The following PHF14 variants were observed in gnomAD, a reference collection of about 807,000 sequenced individuals.
PHF14 encodes PHD finger protein 14.
In PHF14, 55 loss-of-function variants were observed where a neutral mutation model predicts 117.9. The observed-to-expected ratio is 0.47, with a 90% CI of 0.38 to 0.58. PHF14 has a LOEUF of 0.58. PHF14 is among the 20% of genes least tolerant of loss of function. The pLI is 0.00. For synonymous variants in PHF14, 409 were observed against 368.6 expected (o/e 1.11, Z -1.26); for missense variants, 978 against 1,122.2 (o/e 0.87, Z 1.84).
chr7:11,075,582 TTTTTTTTTA>T (rs1785812530), intron 16 of PHF14, among the ~76,000 whole-genome samples: 4 of 132,672 alleles, frequency 3.0e-5, no homozygotes, highest in African/African-American at 1.2e-4. Context: ...TTTTTTTTTT[TTTTTTTTTA>T]TTATTATGCC....
At chr7:11,003,538 G>T (rs538278854) in intron 4 of PHF14, among the ~76,000 whole-genome samples, 1 of 152,254 alleles carries the variant, frequency 6.6e-6, no homozygotes, top group South Asian at 2.1e-4. Flanking sequence ...GATACATATA[G>T]ATAGTAAAAA....
At chr7:11,070,332 C>T (rs113232668) in intron 16 of PHF14, among the ~76,000 whole-genome samples, 16 of 152,346 alleles carry the variant, frequency 1.1e-4, no homozygotes, top group African/African-American at 3.1e-4. Context: ...CTATCCTCAG[C>T]CTCCCAAAGT....
intron 17 of PHF14, among the ~76,000 whole-genome samples, chr7:11,119,349 A>G (rs1787686079): frequency 6.6e-6 from 1 of 151,902 alleles, no homozygotes; most frequent in Non-Finnish European, 1.5e-5. Flanking sequence ...TTACCTTATT[A>G]ACCCAGCATT....
intron 17 of PHF14, among the ~76,000 whole-genome samples, chr7:11,115,165 G>A (rs1002555598): frequency 6.6e-6 from 1 of 151,750 alleles, no homozygotes; most frequent in Non-Finnish European, 1.5e-5. Flanking sequence ...TATTTCTCCA[G>A]TCTGCTCTTT....
intron 17 of PHF14, among the ~76,000 whole-genome samples, chr7:11,148,949 A>G (rs1376825760): frequency 6.6e-6 from 1 of 152,234 alleles, no homozygotes; most frequent in Non-Finnish European, 1.5e-5. Context: ...TTTTACTAGC[A>G]TAATTTGCAT....
At chr7:11,094,550 C>T (rs1220172220) in intron 16 of PHF14, among the ~76,000 whole-genome samples, 1 of 152,078 alleles carries the variant, frequency 6.6e-6, no homozygotes, top group African/African-American at 2.4e-5. Flanking sequence ...TCCCTTTTAC[C>T]ATACAAGATA....
At chr7:11,117,512 T>A (rs1206557514) in intron 17 of PHF14, among the ~76,000 whole-genome samples, 1 of 149,966 alleles carries the variant, frequency 6.7e-6, no homozygotes, top group Non-Finnish European at 1.5e-5. Flanking sequence ...ACGATATTTT[T>A]AATTTTGGTT....
At chr7:11,113,065 G>A (rs1006611786) in intron 17 of PHF14, among the ~76,000 whole-genome samples, 7 of 151,870 alleles carry the variant, frequency 4.6e-5, no homozygotes, top group Admixed American at 4.6e-4. Flanking sequence ...TTTTTTAAGT[G>A]CATTTTTTGT....
intron 17 of PHF14, among the ~76,000 whole-genome samples, chr7:11,136,482 T>A (rs1427218678): frequency 6.6e-6 from 1 of 152,186 alleles, no homozygotes; most frequent in Non-Finnish European, 1.5e-5. Context: ...AAATTTCATT[T>A]CACCATTCAC....
rs548238730 is a variant in PHF14, at chr7:11,043,220, A to G, written c.2312+406A>G. ...AAAGGCTTTACTTCTGGTATTTGGT[A>G]TTTGTGCTAGTCATTTAAATTCAAC... On this transcript the variant is annotated intron_variant, in intron 13 of 17. Coordinates refer to ENST00000634607, the MANE Select transcript of PHF14 (RefSeq NM_001007157.2). Among the ~76,000 whole-genome samples the G allele has an allele frequency of 1.8e-4, 27 of 151,838 alleles. No individual in the cohort carries two copies. The South Asian group carries it at 5.0e-3, about 28-fold the overall frequency.
chr7:11,114,353 A>G (rs897580383), intron 17 of PHF14, among the ~76,000 whole-genome samples: 3 of 152,236 alleles, frequency 2.0e-5, no homozygotes, highest in Admixed American at 6.6e-5. Flanking sequence ...GTCAGCAGCT[A>G]TTTATATATT....
chr7:11,111,288 A>G (rs1056529932), intron 16 of PHF14, 62 bp from the exon 17 acceptor site: 1 of 753,284 alleles, frequency 1.3e-6, no homozygotes, highest in Middle Eastern at 2.4e-4. Context: ...TTGTCTTTTC[A>G]TGAAGTAGAT....
chr7:11,092,795 G>C (rs530647754), intron 16 of PHF14, among the ~76,000 whole-genome samples: 13 of 152,228 alleles, frequency 8.5e-5, no homozygotes, highest in African/African-American at 2.9e-4. Flanking sequence ...TTAGGGAGGA[G>C]ATACAGTTGT....
At chr7:11,064,991 A>G (rs1048147913) in intron 16 of PHF14, among the ~76,000 whole-genome samples, 2 of 152,096 alleles carry the variant, frequency 1.3e-5, no homozygotes, top group African/African-American at 4.8e-5. Context: ...AAAGGTCACA[A>G]TTGGTAAATA....
Position 10,974,867 on chromosome 7 carries a change from C to A in PHF14, c.34C>A (p.Pro12Thr), listed in dbSNP as rs1216057216. The A allele has an allele frequency of 1.9e-6, 3 of 1,592,850 alleles. No individual in the cohort carries two copies. In the South Asian group the frequency reaches 3.4e-5, roughly 18 times the overall value. Residue 12 changes from proline to threonine, a missense_variant, in exon 2 of 18, where the codon CCT becomes ACT. Pro to Thr is a conservative substitution (Grantham distance 38). This residue lies in a region of PHF14 where 414 missense variants were observed against 376.4 expected (regional missense o/e 1.10). Transcript: ENST00000634607. ...CAGCTCCAAGAGGAGGCAGGTGAAG[C>A]CTTTGGCAGCTTCTCTGCTGGAAGC... ...DRSSKRRQVK[P>T]LAASLLEALD...
intron 16 of PHF14, among the ~76,000 whole-genome samples, chr7:11,073,411 A>G (rs1238346657): frequency 6.6e-6 from 1 of 152,244 alleles, no homozygotes; most frequent in Non-Finnish European, 1.5e-5. Flanking sequence ...TAAAAGCTTC[A>G]AAACAATGTC....
intron 16 of PHF14, among the ~76,000 whole-genome samples, chr7:11,068,518 G>A (rs1419755309): frequency 1.3e-5 from 2 of 152,100 alleles, no homozygotes; most frequent in East Asian, 1.9e-4. Context: ...AAAAATGGTG[G>A]TTTCCAGGGG....
At chr7:11,122,350 T>TACACACACACACACACAC (rs1179471501) in intron 17 of PHF14, among the ~76,000 whole-genome samples, 15 of 63,092 alleles carry the variant, frequency 2.4e-4, no homozygotes, top group East Asian at 6.9e-4. Context: ...TATATATATA[T>TACACACACACACACACAC]ATACACACAC....
intron 14 of PHF14, among the ~76,000 whole-genome samples, chr7:11,059,696 C>A (rs1472412524): frequency 6.6e-6 from 1 of 151,982 alleles, no homozygotes; most frequent in Non-Finnish European, 1.5e-5. Context: ...ATCGCTTGAA[C>A]CTGGGAGGCG....
Sources: gnomAD v4.1 joint callset for allele counts (sites outside exome capture counted in the v4.1 genomes callset) on GRCh38, gnomAD v4.1.1 for gene constraint, gnomAD v4.1.1 regional missense constraint, MANE v1.5 for transcripts, NCBI Gene and HGNC (gene_info 2026-07-23, HGNC 2026-07-21) for gene names.